The following DTD1 variants were observed in gnomAD, a reference collection of about 807,000 sequenced individuals.
DTD1 encodes D-tyrosyl-tRNA deacylase 1 homolog.
DTD1 carries 13 observed loss-of-function variants against 25.6 expected under a neutral mutation model. The observed-to-expected ratio is 0.51, with a 90% confidence interval of 0.33 to 0.81. DTD1 has a LOEUF of 0.81. DTD1 is among the 30% of genes least tolerant of loss of function. The pLI, the probability that DTD1 is intolerant of heterozygous loss-of-function variation, is 0.02. For missense variants in DTD1, 193 were observed against 266.4 expected, an observed-to-expected ratio of 0.72 and a Z score of 1.92; for synonymous variants, 110 against 103.6, an observed-to-expected ratio of 1.06 and a Z score of -0.37.
intron 4 of DTD1, among the ~76,000 whole-genome samples, chr20:18,710,721 C>T (rs1384863082): frequency 6.6e-6 from 1 of 152,150 alleles, no homozygotes; most frequent in Non-Finnish European, 1.5e-5. Context: ...AGTCAACAGC[C>T]CTTAAATGCA....
chr20:18,751,064 C>CGTGTGTGTGTGTGTGTGTGT (rs144204072), intron 5 of DTD1, among the ~76,000 whole-genome samples: 1 of 150,290 alleles, frequency 6.7e-6, no homozygotes, highest in East Asian at 2.0e-4. Context: ...CTACAGCAGC[C>CGTGTGTGTGTGTGTGTGTGT]GTGTGTGTGT....
At chr20:18,653,579 G>A (rs1016586151) in intron 4 of DTD1, among the ~76,000 whole-genome samples, 2 of 152,308 alleles carry the variant, frequency 1.3e-5, no homozygotes, top group Admixed American at 1.3e-4. Flanking sequence ...TGTGAAAGGT[G>A]TATGATCTAA....
At position 18,622,942 on chromosome 20, in the gene DTD1, A is replaced by AT. The variant is rs771564529; in HGVS notation, c.371-5173dup. Among the ~76,000 whole-genome samples the AT allele has an allele frequency of 4.8e-4, 62 of 129,750 alleles. 1 individual carries two copies. The highest frequency in any genetic ancestry group is 6.6e-4 in the Admixed American group (8 of 12,126). The allele number at this position is 129,750 out of a possible 152,430, so 85.1% of individuals were successfully genotyped here. A position where few individuals can be genotyped will look rare whatever the true frequency, so the allele number is the denominator to read the frequency against. Reference sequence around the variant, plus strand: ...ACTTATTAGAAGACAATTTTATAGAATTTTTTTTTTTTGTCTGAGATGGAG... The same window carrying AT: ...ACTTATTAGAAGACAATTTTATAGAATTTTTTTTTTTTTGTCTGAGATGGAG... On this transcript the variant is annotated intron_variant, in intron 3 of 5. Transcript: ENST00000377452.
At chr20:18,708,559 T>C (rs112983314) in intron 4 of DTD1, among the ~76,000 whole-genome samples, 1,847 of 150,668 alleles carry the variant, frequency 0.012, 38 homozygotes, top group African/African-American at 0.042. Context: ...TTTCACCGTG[T>C]TGGCCAGGCT....
At chr20:18,745,429 C>T (rs1280037996) in intron 5 of DTD1, among the ~76,000 whole-genome samples, 1 of 152,182 alleles carries the variant, frequency 6.6e-6, no homozygotes, top group Non-Finnish European at 1.5e-5. Flanking sequence ...GGGGAGGTCA[C>T]AGGCTCAGGG....
chr20:18,642,484 G>A (rs6075382), intron 4 of DTD1, among the ~76,000 whole-genome samples: 70,520 of 151,692 alleles, frequency 0.46, 16,819 homozygotes, highest in Middle Eastern at 0.54. Flanking sequence ...GCTCAGGCTG[G>A]TTTCAATCTC....
intron 3 of DTD1, among the ~76,000 whole-genome samples, chr20:18,601,839 A>T (rs2060636631): frequency 6.6e-6 from 1 of 151,966 alleles, no homozygotes; most frequent in African/African-American, 2.4e-5. Context: ...CAGAACAGAA[A>T]AACTGGAAAC....
At chr20:18,609,213 G>T (rs950415267) in intron 3 of DTD1, among the ~76,000 whole-genome samples, 1 of 151,440 alleles carries the variant, frequency 6.6e-6, no homozygotes, top group African/African-American at 2.4e-5. Flanking sequence ...CGAGATCTCC[G>T]CTCACTGCAA....
At chr20:18,698,981 C>T (rs1436034996) in intron 4 of DTD1, among the ~76,000 whole-genome samples, 1 of 152,060 alleles carries the variant, frequency 6.6e-6, no homozygotes, top group Non-Finnish European at 1.5e-5. Context: ...CGTCTGTGTC[C>T]AAGGCAGGCC....
intron 4 of DTD1, among the ~76,000 whole-genome samples, chr20:18,669,369 C>G (rs985555226): frequency 1.3e-5 from 2 of 152,192 alleles, no homozygotes; most frequent in Non-Finnish European, 2.9e-5. Flanking sequence ...GCGACTACCT[C>G]CAGGCTGTGG....
At chr20:18,739,791 C>T (rs969332921) in intron 4 of DTD1, among the ~76,000 whole-genome samples, 1 of 151,706 alleles carries the variant, frequency 6.6e-6, no homozygotes, top group African/African-American at 2.4e-5. Context: ...ATGTAAATTC[C>T]ACATTTTGGC....
intron 1 of DTD1, among the ~76,000 whole-genome samples, 155 bp downstream of exon 1, chr20:18,588,270 C>T (rs1444207413): frequency 6.6e-6 from 1 of 151,948 alleles, no homozygotes; most frequent in Non-Finnish European, 1.5e-5. Flanking sequence ...AGCCGCGAGT[C>T]CCCAGGGCCG....
intron 4 of DTD1, among the ~76,000 whole-genome samples, chr20:18,738,790 G>A (rs1432794304): frequency 2.0e-5 from 3 of 152,198 alleles, no homozygotes; most frequent in African/African-American, 7.2e-5. Context: ...CTGCGGTGTA[G>A]GCAGCTGGCA....
intron 3 of DTD1, among the ~76,000 whole-genome samples, chr20:18,622,327 A>G (rs1229072187): frequency 6.6e-6 from 1 of 151,996 alleles, no homozygotes; most frequent in African/African-American, 2.4e-5. Context: ...ACATCTTTTT[A>G]AATACATTGA....
intron 4 of DTD1, among the ~76,000 whole-genome samples, chr20:18,684,949 C>T (rs574771926): frequency 6.6e-5 from 10 of 151,866 alleles, no homozygotes; most frequent in African/African-American, 2.4e-4. Context: ...CACTGTTACC[C>T]AAGCTGGAGT....
rs568294530 is a variant in DTD1 at position 18,696,833 on chromosome 20, C to A, written c.478-47267C>A. 3.6e-4 allele frequency among the ~76,000 whole-genome samples: 55 copies of A among 151,978 alleles called. 1 individual carries two copies. The highest frequency in any genetic ancestry group is 5.7e-4 in the Non-Finnish European group (39 of 67,956). On this transcript the variant is annotated intron_variant, in intron 4 of 5. Coordinates refer to ENST00000377452, the MANE Select transcript of DTD1 (RefSeq NM_080820.6). ...CCTCCCAAAGTGCTGGGATTACAGG[C>A]GTGAGCCACTGCCCCTGGCCTGAAC...
At chr20:18,636,877 C>T (rs900293228) in intron 4 of DTD1, among the ~76,000 whole-genome samples, 2 of 152,168 alleles carry the variant, frequency 1.3e-5, no homozygotes, top group Admixed American at 1.3e-4. Flanking sequence ...CCTCAAACGG[C>T]AGACTGAGGA....
At chr20:18,742,006 G>A (rs1568686955) in intron 4 of DTD1, among the ~76,000 whole-genome samples, 3 of 150,494 alleles carry the variant, frequency 2.0e-5, no homozygotes, top group South Asian at 4.2e-4. Flanking sequence ...CTAAAGTGCC[G>A]CTATTGCAGG....
chr20:18,595,191 G>T (rs1048061371), intron 2 of DTD1, among the ~76,000 whole-genome samples: 1 of 152,164 alleles, frequency 6.6e-6, no homozygotes, highest in Non-Finnish European at 1.5e-5. Context: ...TAGTTTTCAA[G>T]GTGTCTTTCT....
Sources: allele counts gnomAD v4.1 joint callset (sites outside exome capture counted in the v4.1 genomes callset), GRCh38; gene constraint gnomAD v4.1.1; transcripts MANE v1.5; gene names NCBI Gene and HGNC (gene_info 2026-07-23, HGNC 2026-07-21).